Variants in FAM184A observed in about 807,000 individuals in gnomAD.
FAM184A encodes the protein protein FAM184A.
In FAM184A, 99 loss-of-function variants were observed where a neutral mutation model predicts 143.8. The ratio of observed to expected loss-of-function variants is 0.69; its 90% CI spans 0.58 to 0.81. The LOEUF (loss-of-function observed/expected upper bound fraction) is 0.81. FAM184A is among the 40% of genes least tolerant of loss of function. The pLI is 0.00. For missense variants in FAM184A, 1,217 were observed against 1,310.5 expected (o/e 0.93, Z 1.10); for synonymous variants, 427 against 446.4 (o/e 0.96, Z 0.55).
chr6:119,023,125 T>A (rs1026929762), intron 2 of FAM184A, 45 bp from the exon 3 acceptor site: 36 of 1,588,882 alleles, frequency 2.3e-5, no homozygotes, highest in Admixed American at 3.4e-5. Context: ...GGAATAATAC[T>A]AAGCTAAATA....
intron 7 of FAM184A, chr6:119,005,793 T>C (rs898880662): frequency 9.1e-5 from 31 of 340,392 alleles, no homozygotes; most frequent in Non-Finnish European, 1.5e-4. Context: ...TTCTCTACTA[T>C]CTAAGACAAT....
At chr6:119,082,400 A>G (rs1309396386), upstream of FAM184A, among the ~76,000 whole-genome samples, 2 of 152,222 alleles carry the variant, frequency 1.3e-5, no homozygotes. Context: ...TCATTCCAGC[A>G]TTAACCCAAA....
chr6:119,019,339 A>C (rs1582512532), intron 4 of FAM184A, among the ~76,000 whole-genome samples: 1 of 152,366 alleles, frequency 6.6e-6, no homozygotes, highest in South Asian at 2.1e-4. Context: ...CTGAGGCAAA[A>C]GCAAATTCTG....
At chr6:119,091,859 C>A (rs1788377595) in intron 1 of FAM184A, among the ~76,000 whole-genome samples, 1 of 152,178 alleles carries the variant, frequency 6.6e-6, no homozygotes, top group Admixed American at 6.5e-5. Flanking sequence ...GATACAGTAG[C>A]TATGCCAGCT....
chr6:119,110,214 G>A (rs1198592313), intron 1 of FAM184A, among the ~76,000 whole-genome samples: 1 of 152,132 alleles, frequency 6.6e-6, no homozygotes, highest in Non-Finnish European at 1.5e-5. Flanking sequence ...TTTCTACTCT[G>A]CAGTGCTTAA....
chr6:119,064,798 G>C (rs778823418), intron 1 of FAM184A, among the ~76,000 whole-genome samples: 24 of 152,102 alleles, frequency 1.6e-4, no homozygotes, highest in Non-Finnish European at 3.4e-4. Flanking sequence ...CTCTGTCTCT[G>C]GTCAGCTCTT....
chr6:119,044,447 G>C (rs1786454346), intron 1 of FAM184A, among the ~76,000 whole-genome samples: 1 of 152,082 alleles, frequency 6.6e-6, no homozygotes, highest in Non-Finnish European at 1.5e-5. Context: ...GCTGGGTGTG[G>C]TGGTATGCAC....
At chr6:118,984,760 T>C (rs764791057) in intron 9 of FAM184A, among the ~76,000 whole-genome samples, 1 of 152,202 alleles carries the variant, frequency 6.6e-6, no homozygotes, top group African/African-American at 2.4e-5. Flanking sequence ...TGTCTTGAGA[T>C]AGTAAACGTA....
chr6:119,114,016 A>G (rs1788998147), intron 1 of FAM184A, among the ~76,000 whole-genome samples: 1 of 152,170 alleles, frequency 6.6e-6, no homozygotes, highest in Admixed American at 6.5e-5. Flanking sequence ...ATTGTTGTTC[A>G]TCTCTTACGG....
At chr6:119,104,498 A>T (rs1788725384) in intron 1 of FAM184A, among the ~76,000 whole-genome samples, 1 of 152,208 alleles carries the variant, frequency 6.6e-6, no homozygotes, top group Admixed American at 6.5e-5. Flanking sequence ...TCAGAGAAAT[A>T]ATCTGAGAAC....
At position 119,011,395 on chromosome 6, in the gene FAM184A, G is replaced by T; in HGVS notation, c.1567C>A (p.Leu523Met). The change falls in exon 6 of 18, where the codon CTG (leucine) becomes ATG (methionine). Residue 523 changes from leucine (L) to methionine (M), a missense_variant. Leu to Met is a conservative substitution (Grantham distance 15). Transcript: ENST00000338891. ...TGAAGCTGATTTTTATCCTCTTCCA[G>T]GTTTAGTTTATCTTTGTTATGTTGT... Reference protein sequence around the residue: ...EEQHNKDKLNLEEDKNQLQQE... With the variant: ...EEQHNKDKLNMEEDKNQLQQE... 6.4e-7 allele frequency: 1 copy of T among 1,568,458 alleles called. No individual in the cohort carries two copies.
chr6:119,093,970 TTTCC>T lies in FAM184A; in HGVS notation c.-202+55104_-202+55107del, dbSNP rs552513253. On this transcript the variant is annotated intron_variant, in intron 1 of 16. Transcript: ENST00000352896. ...AGCACAGACTGCCCTTTCATCTTTT[TTTCC>T]TTCCTTCCTTCCTCCCTCCCTCCCT... Among the ~76,000 whole-genome samples, 392 of 151,744 alleles carry T rather than the reference TTTCC, an allele frequency of 2.6e-3. 6 individuals carry two copies. The East Asian group carries it at 0.029, about 11-fold the overall frequency.
chr6:119,012,777 G>A (rs1488874302), intron 5 of FAM184A, among the ~76,000 whole-genome samples: 1 of 152,176 alleles, frequency 6.6e-6, no homozygotes. Context: ...GGGATCTCCA[G>A]AAATCCAAGT....
At chr6:119,117,888 G>T (rs930313054) in intron 1 of FAM184A, among the ~76,000 whole-genome samples, 6 of 152,124 alleles carry the variant, frequency 3.9e-5, no homozygotes, top group African/African-American at 1.2e-4. Flanking sequence ...AGGCAGGGGT[G>T]GGGGTATCCC....
chr6:118,984,154 A>AT (rs1554265784), intron 9 of FAM184A, among the ~76,000 whole-genome samples: 2 of 116,202 alleles, frequency 1.7e-5, no homozygotes, highest in Admixed American at 1.8e-4. Flanking sequence ...CCATTTAAAA[A>AT]AAAAATATAT....
chr6:119,113,073 C>G (rs1788973004), intron 1 of FAM184A, among the ~76,000 whole-genome samples: 1 of 152,192 alleles, frequency 6.6e-6, no homozygotes, highest in African/African-American at 2.4e-5. Flanking sequence ...TCCACACCGC[C>G]CCAGTATGGC....
At chr6:119,020,195 A>T in intron 3 of FAM184A, 36 bp from the exon 4 acceptor site, 2 of 1,478,714 alleles carry the variant, frequency 1.4e-6, no homozygotes, top group South Asian at 2.9e-5. Context: ...CAATTTAAAA[A>T]TCAGTTGTAC....
At chr6:119,098,919 G>C (rs766450422) in intron 1 of FAM184A, among the ~76,000 whole-genome samples, 4 of 152,148 alleles carry the variant, frequency 2.6e-5, no homozygotes, top group East Asian at 1.9e-4. Flanking sequence ...AGACCGGCCT[G>C]ACCAATATGA....
chr6:119,099,431 T>C (rs1788586945), intron 1 of FAM184A, among the ~76,000 whole-genome samples: 1 of 152,210 alleles, frequency 6.6e-6, no homozygotes, highest in African/African-American at 2.4e-5. Flanking sequence ...CTAAAGATTT[T>C]CCTTTATTTC....
Sources: allele counts gnomAD v4.1 joint callset (sites outside exome capture counted in the v4.1 genomes callset), GRCh38; gene constraint gnomAD v4.1.1; transcripts MANE v1.5; gene names NCBI Gene and HGNC (gene_info 2026-07-23, HGNC 2026-07-21).